The following PTPRD variants were observed in gnomAD, a reference collection of about 807,000 sequenced individuals.
The protein encoded by PTPRD is receptor-type tyrosine-protein phosphatase delta.
A neutral mutation model predicts 214.5 loss-of-function variants in PTPRD; 34 were observed. The observed-to-expected ratio is 0.16, with a 90% CI of 0.12 to 0.21. The LOEUF (loss-of-function observed/expected upper bound fraction) is 0.21. PTPRD is among the 10% of genes least tolerant of loss of function. The pLI is 1.00. For synonymous variants in PTPRD, 1,128 were observed against 845.7 expected (o/e 1.33, Z -5.79); for missense variants, 2,545 against 2,398.7 (o/e 1.06, Z -1.27).
Position 10,512,870 on chromosome 9 carries a change from G to A in PTPRD, c.-600+99528C>T, listed in dbSNP as rs1020368503. ...TTGATCTTTTTATTGCACTGGAGTTGAAACTGTCCATGTGGTAGAAAGGAA... is the reference window on the plus strand; with the variant it reads ...TTGATCTTTTTATTGCACTGGAGTTAAAACTGTCCATGTGGTAGAAAGGAA... On this transcript the variant is annotated intron_variant, in intron 2 of 45. Transcript: ENST00000381196. 3.1e-4 allele frequency among the ~76,000 whole-genome samples: 47 copies of A among 151,138 alleles called. 2 individuals are homozygous for A. Among genetic ancestry groups the A allele is most frequent in the Non-Finnish European group, 1.0e-4 (7 of 67,810 alleles).
intron 2 of PTPRD, among the ~76,000 whole-genome samples, chr9:10,601,602 C>T (rs949327034): frequency 4.6e-5 from 7 of 151,438 alleles, no homozygotes; most frequent in Admixed American, 4.6e-4. Context: ...AAAACAAAAA[C>T]TTTGGACCTG....
At chr9:8,353,858 G>A (rs62533975) in intron 39 of PTPRD, among the ~76,000 whole-genome samples, 207 of 100,300 alleles carry the variant, frequency 2.1e-3, no homozygotes, top group African/African-American at 0.011. Context: ...GTATATATGT[G>A]TATATATGTA....
intron 27 of PTPRD, among the ~76,000 whole-genome samples, chr9:8,490,052 A>G (rs1005221578): frequency 3.3e-5 from 5 of 152,154 alleles, no homozygotes; most frequent in Non-Finnish European, 5.9e-5. Flanking sequence ...GACTACTTTT[A>G]TAAGTCATGC....
At position 10,469,372 on chromosome 9, in the gene PTPRD, T is replaced by A. The variant is rs530741775; in HGVS notation, c.-599-128355A>T. Among the ~76,000 whole-genome samples the A allele has an allele frequency of 5.8e-4, 88 of 152,214 alleles. 1 individual carries two copies. Among genetic ancestry groups the A allele is most frequent in the Non-Finnish European group, 1.2e-4 (8 of 67,998 alleles). On this transcript the variant is annotated intron_variant, in intron 2 of 45. Coordinates refer to ENST00000381196, the MANE Select transcript of PTPRD (RefSeq NM_002839.4). ...TGAACAAAATAATTGAAAAACATTA[T>A]AAAACAGGACATAAGCGTGAAAGAT... is the stretch of plus-strand genomic sequence containing the variant.
At chr9:10,117,398 T>C (rs2098738948) in intron 3 of PTPRD, among the ~76,000 whole-genome samples, 1 of 152,066 alleles carries the variant, frequency 6.6e-6, no homozygotes, top group Non-Finnish European at 1.5e-5. Flanking sequence ...ACCAAATACT[T>C]GGTGGCTTAC....
At chr9:9,885,603 T>C (rs927745123) in intron 5 of PTPRD, among the ~76,000 whole-genome samples, 1 of 151,902 alleles carries the variant, frequency 6.6e-6, no homozygotes, top group Non-Finnish European at 1.5e-5. Flanking sequence ...AGAGTCCTTA[T>C]AAGGGAAGGA....
At chr9:8,797,015 T>C (rs2096448205) in intron 11 of PTPRD, 2 of 152,126 alleles carry the variant, frequency 1.3e-5, no homozygotes, top group South Asian at 4.1e-4. Flanking sequence ...ATTAGATTAA[T>C]TGAAACAGTC....
At chr9:9,824,785 T>C (rs1223470219) in intron 5 of PTPRD, among the ~76,000 whole-genome samples, 1 of 152,118 alleles carries the variant, frequency 6.6e-6, no homozygotes, top group African/African-American at 2.4e-5. Flanking sequence ...ATACAAGTTG[T>C]ATTAATGATC....
chr9:8,975,323 T>C (rs1337846252), intron 11 of PTPRD, among the ~76,000 whole-genome samples: 1 of 152,070 alleles, frequency 6.6e-6, no homozygotes, highest in African/African-American at 2.4e-5. Flanking sequence ...AACATTTCTA[T>C]GTACTCCTAA....
chr9:8,451,931 T>C, intron 33 of PTPRD: 1 of 488,962 alleles, frequency 2.0e-6, no homozygotes, highest in Non-Finnish European at 4.1e-6. Context: ...ATCTTCTTTT[T>C]CCCTGTGGCT....
chr9:8,442,239 T>C (rs894990882), intron 34 of PTPRD, among the ~76,000 whole-genome samples: 2 of 152,252 alleles, frequency 1.3e-5, no homozygotes, highest in African/African-American at 4.8e-5. Flanking sequence ...GTATTTTTGC[T>C]TTTCAAAAGT....
At chr9:9,415,731 C>T (rs1415605332) in intron 8 of PTPRD, among the ~76,000 whole-genome samples, 1 of 152,102 alleles carries the variant, frequency 6.6e-6, no homozygotes. Context: ...TCAAGTAGTT[C>T]TCAATCTGTT....
At chr9:9,522,480 C>G (rs1247908013) in intron 8 of PTPRD, among the ~76,000 whole-genome samples, 1 of 152,032 alleles carries the variant, frequency 6.6e-6, no homozygotes, top group East Asian at 1.9e-4. Context: ...AAGGACACTA[C>G]TGATGTGTTG....
At chr9:10,358,848 A>G (rs2097326008) in intron 2 of PTPRD, among the ~76,000 whole-genome samples, 1 of 151,964 alleles carries the variant, frequency 6.6e-6, no homozygotes, top group African/African-American at 2.4e-5. Context: ...TGCATATTGT[A>G]TTATGTTGTA....
intron 9 of PTPRD, among the ~76,000 whole-genome samples, chr9:9,359,953 TAAG>T (rs2055380386): frequency 6.6e-6 from 1 of 151,278 alleles, no homozygotes; most frequent in Non-Finnish European, 1.5e-5. Context: ...AATTATAACT[TAAG>T]AAAACATTTT....
At chr9:9,149,879 T>C (rs1434494459) in intron 10 of PTPRD, among the ~76,000 whole-genome samples, 1 of 152,222 alleles carries the variant, frequency 6.6e-6, no homozygotes, top group Non-Finnish European at 1.5e-5. Flanking sequence ...TTAGTCTGCA[T>C]GTATGAGATA....
chr9:10,452,176 T>C (rs1248601378), intron 2 of PTPRD, among the ~76,000 whole-genome samples: 2 of 151,960 alleles, frequency 1.3e-5, no homozygotes, highest in East Asian at 3.8e-4. Context: ...GAAAGCTTTG[T>C]ACTTTATTGT....
intron 11 of PTPRD, among the ~76,000 whole-genome samples, chr9:8,949,223 C>CA (rs1266773995): frequency 0.036 from 1,971 of 54,014 alleles, 63 homozygotes; most frequent in African/African-American, 0.078. Context: ...GACTCCATCT[C>CA]AAAAAAAGAA....
chr9:10,229,081 G>A (rs1358637447), intron 3 of PTPRD, among the ~76,000 whole-genome samples: 29 of 151,946 alleles, frequency 1.9e-4, no homozygotes, highest in Admixed American at 1.9e-3. Context: ...CATTTATGCA[G>A]CCAAAAGACA....
Sources: gnomAD v4.1 joint callset for allele counts (sites outside exome capture counted in the v4.1 genomes callset) on GRCh38, gnomAD v4.1.1 for gene constraint, MANE v1.5 for transcripts, NCBI Gene and HGNC (gene_info 2026-07-23, HGNC 2026-07-21) for gene names.